SLC14A2: variants seen among roughly 807,000 people sequenced by gnomAD.
SLC14A2 encodes the protein solute carrier family 14 member 2.
A neutral mutation model predicts 104.6 loss-of-function variants in SLC14A2; 91 were observed. That is an observed-to-expected ratio of 0.87 (90% confidence interval 0.73 to 1.04). The LOEUF is 1.04. SLC14A2 is among the 50% of genes least tolerant of loss of function. The probability of loss-of-function intolerance (pLI) is 0.00; values close to 1 mark genes in which losing one functional copy is unlikely to be tolerated. For missense variants in SLC14A2, 1,189 were observed against 1,156.0 expected (o/e 1.03, Z -0.41); for synonymous variants, 476 against 466.4 (o/e 1.02, Z -0.27).
chr18:45,496,153 A>G (rs1440783217), intron 2 of SLC14A2, among the ~76,000 whole-genome samples: 1 of 152,220 alleles, frequency 6.6e-6, no homozygotes, highest in African/African-American at 2.4e-5. Flanking sequence ...AATGTGAACA[A>G]ACTCAATTCT....
At chr18:45,616,158 C>G (rs546687101) in intron 1 of SLC14A2, among the ~76,000 whole-genome samples, 1 of 152,234 alleles carries the variant, frequency 6.6e-6, no homozygotes, top group South Asian at 2.1e-4. Flanking sequence ...AGAACAGTTG[C>G]TATCTTCAGA....
At position 45,627,021 on chromosome 18, in the gene SLC14A2, T is replaced by C; in HGVS notation, c.395T>C (p.Ile132Thr). Residue 132 changes from isoleucine to threonine, a missense_variant, in exon 4 of 20, where the codon ATC becomes ACC. Physicochemically the swap from Ile to Thr is moderately conservative, Grantham distance 89. Coordinates refer to ENST00000255226, the MANE Select transcript of SLC14A2 (RefSeq NM_007163.4). ...AGAGGGACCGCTCAGGTGATGTTCA[T>C]CAACAATCCTCTCAGCGGCCTCATC... ...VLRGTAQVMF[I>T]NNPLSGLIIF... is the part of the protein sequence containing the mutation. 6.2e-7 allele frequency: 1 copy of C among 1,613,186 alleles called. No individual in the cohort carries two copies. Among genetic ancestry groups the C allele is most frequent in the Non-Finnish European group, 8.5e-7 (1 of 1,179,954 alleles).
At chr18:45,652,577 G>C (rs982149179) in intron 10 of SLC14A2, among the ~76,000 whole-genome samples, 1 of 152,160 alleles carries the variant, frequency 6.6e-6, no homozygotes, top group African/African-American at 2.4e-5. Context: ...TTAGCTCCTG[G>C]TGGTCAATGC....
At chr18:45,390,171 A>G (rs532875012) in intron 1 of SLC14A2, among the ~76,000 whole-genome samples, 1 of 152,296 alleles carries the variant, frequency 6.6e-6, no homozygotes, top group South Asian at 2.1e-4. Context: ...AAAAATCGAC[A>G]CGAGCACTGG....
At chr18:45,657,368 T>C (rs1288516107) in intron 10 of SLC14A2, among the ~76,000 whole-genome samples, 2 of 149,444 alleles carry the variant, frequency 1.3e-5, no homozygotes, top group Non-Finnish European at 3.0e-5. Context: ...GCGCCTGTAG[T>C]CCCAGCTACT....
intron 1 of SLC14A2, among the ~76,000 whole-genome samples, chr18:45,270,274 T>C (rs2144118417): frequency 6.6e-6 from 1 of 152,286 alleles, no homozygotes; most frequent in Admixed American, 6.5e-5. Context: ...CTGGTTCTTC[T>C]GTTGTTCACA....
chr18:45,643,795 G>T (rs141056481), intron 9 of SLC14A2, among the ~76,000 whole-genome samples, 191 bp from the exon 10 acceptor site: 1,559 of 152,296 alleles, frequency 0.01, 28 homozygotes, highest in African/African-American at 0.035. Context: ...GGTATTACAG[G>T]CATGAGCCAC....
intron 1 of SLC14A2, among the ~76,000 whole-genome samples, chr18:45,465,413 A>G (rs1224546983): frequency 6.6e-6 from 1 of 152,124 alleles, no homozygotes. Context: ...CTCCCATCCC[A>G]ATTTTCTATC....
chr18:45,606,216 T>C lies in SLC14A2; in HGVS notation c.-34-18415T>C, dbSNP rs1231875514. On this transcript the variant is annotated intron_variant, in intron 2 of 20. Coordinates refer to the SLC14A2 transcript ENST00000586448. ...GTTACCTCCTCCAAAAATTCCTTTC[T>C]AATTATTCCATCCCTCCCCTCCTCT... Among the ~76,000 whole-genome samples, 4 of 152,276 alleles carry C rather than the reference T, an allele frequency of 2.6e-5. No homozygotes were observed. The East Asian group carries it at 7.7e-4, about 29-fold the overall frequency.
intron 10 of SLC14A2, among the ~76,000 whole-genome samples, chr18:45,653,709 G>T (rs994032739): frequency 6.6e-6 from 1 of 152,018 alleles, no homozygotes; most frequent in Non-Finnish European, 1.5e-5. Flanking sequence ...GAGCCTCCAG[G>T]TCCCCAGGAC....
chr18:45,287,822 A>C (rs1363402920), intron 1 of SLC14A2, among the ~76,000 whole-genome samples: 1 of 151,970 alleles, frequency 6.6e-6, no homozygotes, highest in Non-Finnish European at 1.5e-5. Flanking sequence ...CCCTCTGCTG[A>C]TACCAGCGGC....
chr18:45,669,189 A>G lies in SLC14A2; in HGVS notation c.2037-117A>G, dbSNP rs529226686. 4.9e-6 allele frequency: 4 copies of G among 813,456 alleles called. No individual in the cohort carries two copies. The African/African-American group carries it at 5.2e-5, about 11-fold the overall frequency. The allele number at this position is 813,456 out of a possible 1,614,324, so 50.4% of individuals were successfully genotyped here. A position where few individuals can be genotyped will look rare whatever the true frequency, so the allele number is the denominator to read the frequency against. Reference sequence around the variant, plus strand: ...CTGCTCAGGGCCAGTCAGGCTCCAGAGAATACCCAGCAGGCTGCTTTTCTC... The same window carrying G: ...CTGCTCAGGGCCAGTCAGGCTCCAGGGAATACCCAGCAGGCTGCTTTTCTC... On this transcript the variant is annotated intron_variant, in intron 15 of 19. Transcript: ENST00000255226.
intron 2 of SLC14A2, among the ~76,000 whole-genome samples, chr18:45,578,322 TTTTTCTCCATCTTGA>T (rs1299806366): frequency 2.6e-5 from 4 of 152,234 alleles, no homozygotes; most frequent in African/African-American, 4.8e-5. Context: ...TGTTGACTTG[TTTTTCTCCATCTTGA>T]TTTTGGTTAT....
chr18:45,538,836 C>G lies in SLC14A2; in HGVS notation c.-35+55514C>G, dbSNP rs150503773. Among the ~76,000 whole-genome samples, 1,302 of 146,374 alleles carry G rather than the reference C, an allele frequency of 8.9e-3. 17 individuals are homozygous for G. The highest frequency in any genetic ancestry group is 0.031 in the African/African-American group (1,235 of 39,328). ...AGATGAGAAGAAATGACCAAAGGTC[C>G]TTCTCCCCCTTCCCTTTTTTTTTTT... is the stretch of plus-strand genomic sequence containing the variant. On this transcript the variant is annotated intron_variant, in intron 2 of 20. Transcript: ENST00000586448.
intron 5 of SLC14A2, chr18:45,634,975 T>C (rs896583943): frequency 5.0e-6 from 2 of 397,618 alleles, no homozygotes; most frequent in African/African-American, 4.2e-5. Context: ...GTCTGGGGTA[T>C]ATTTTAAAGA....
At chr18:45,217,014 AGAG>A (rs1389812603) in intron 1 of SLC14A2, among the ~76,000 whole-genome samples, 2 of 152,084 alleles carry the variant, frequency 1.3e-5, no homozygotes, top group East Asian at 1.9e-4. Flanking sequence ...TCATCTGGAA[AGAG>A]GAGATTTTGG....
rs74714536 is a variant in SLC14A2 at position 45,216,396 on chromosome 18, G to A, written c.-125+3205G>A. Among the ~76,000 whole-genome samples, 217 of 152,288 alleles carry A rather than the reference G, an allele frequency of 1.4e-3. 1 individual carries two copies. The highest frequency in any genetic ancestry group is 2.1e-3 in the Non-Finnish European group (144 of 68,024). On this transcript the variant is annotated intron_variant, in intron 1 of 20. Coordinates refer to the SLC14A2 transcript ENST00000586448. Reference sequence around the variant, plus strand: ...TCCTCCCTGCTGGCCAACAGAGTGAGGCTGGTCTAGTCTGATTCCTGAATA... The same window carrying A: ...TCCTCCCTGCTGGCCAACAGAGTGAAGCTGGTCTAGTCTGATTCCTGAATA...
upstream of SLC14A2, among the ~76,000 whole-genome samples, chr18:45,210,544 A>C (rs898980197): frequency 1.3e-5 from 2 of 152,214 alleles, no homozygotes; most frequent in African/African-American, 4.8e-5. Flanking sequence ...GCTCCACTGC[A>C]CTCTAACCTA....
chr18:45,192,240 T>C, the SLC14A2 span, among the ~76,000 whole-genome samples: 1 of 152,190 alleles, frequency 6.6e-6, no homozygotes, highest in Non-Finnish European at 1.5e-5. Context: ...ATATTCAAAA[T>C]ATTATTTTTC....
Sources: allele counts gnomAD v4.1 joint callset (sites outside exome capture counted in the v4.1 genomes callset), GRCh38; gene constraint gnomAD v4.1.1; transcripts MANE v1.5; gene names NCBI Gene and HGNC (gene_info 2026-07-23, HGNC 2026-07-21).